Variants in NPNT observed in about 807,000 individuals in gnomAD.
The protein encoded by NPNT is preosteoblast EGF-like repeat protein with MAM domain.
A neutral mutation model predicts 68.6 loss-of-function variants in NPNT; 45 were observed. That is an observed-to-expected ratio of 0.66 (90% CI 0.52 to 0.84). The LOEUF is 0.84. NPNT is among the 40% of genes least tolerant of loss of function. NPNT has a pLI of 0.00. For synonymous variants in NPNT, 233 were observed against 253.3 expected (o/e 0.92, Z 0.76); for missense variants, 672 against 714.8 (o/e 0.94, Z 0.68).
intron 7 of NPNT, 38 bp from the exon 8 acceptor site, chr4:105,942,268 GA>G: frequency 4.7e-6 from 7 of 1,498,094 alleles, no homozygotes; most frequent in Non-Finnish European, 6.3e-6. Context: ...TTTTAGGGAG[GA>G]ATGGTTACAT....
chr4:105,944,698 G>A (rs114300570), intron 8 of NPNT, among the ~76,000 whole-genome samples: 1,778 of 152,310 alleles, frequency 0.012, 42 homozygotes, highest in African/African-American at 0.041. Context: ...GCTGTTGCAT[G>A]CCACAGATAG....
Position 105,895,737 on chromosome 4 carries a change from C to G in NPNT, c.71+14C>G. On this transcript the variant is annotated intron_variant, in intron 1 of 11. Coordinates refer to ENST00000379987, the MANE Select transcript of NPNT (RefSeq NM_001033047.3). ...GTTCGACGGGAGGTGAGCTGGGCCC[C>G]GGGGCGCCCTCTCCTCCTTCCCGCG... The G allele has an allele frequency of 6.5e-7, 1 of 1,549,458 alleles. No homozygotes were observed. The highest frequency in any genetic ancestry group is 8.7e-7 in the Non-Finnish European group (1 of 1,145,090).
chr4:105,932,828 G>A, intron 3 of NPNT: 1 of 620,078 alleles, frequency 1.6e-6, no homozygotes, highest in East Asian at 2.9e-5. Context: ...CTGAGCATGA[G>A]CAAGCAGCAG....
At chr4:105,954,667 C>G (rs912821196) in intron 8 of NPNT, among the ~76,000 whole-genome samples, 2 of 152,204 alleles carry the variant, frequency 1.3e-5, no homozygotes, top group African/African-American at 2.4e-5. Context: ...CCTCCCTCCC[C>G]CTGTAAGGTC....
At chr4:105,914,373 C>CTATA (rs1241439447) in intron 2 of NPNT, among the ~76,000 whole-genome samples, 12 of 121,362 alleles carry the variant, frequency 9.9e-5, no homozygotes, top group South Asian at 5.3e-4. Context: ...CTCTCTCTCT[C>CTATA]TATATATATA....
At chr4:105,939,899 G>A (rs1198852511) in intron 5 of NPNT, among the ~76,000 whole-genome samples, 176 bp from the exon 6 acceptor site, 3 of 152,142 alleles carry the variant, frequency 2.0e-5, no homozygotes. Flanking sequence ...TAGAAGGCTG[G>A]GTTGAAATTT....
At chr4:105,955,141 G>T (rs1361593303) in intron 8 of NPNT, among the ~76,000 whole-genome samples, 3 of 152,084 alleles carry the variant, frequency 2.0e-5, no homozygotes, top group Non-Finnish European at 2.9e-5. Context: ...AGAATTAATG[G>T]TTCAACTGCA....
Position 105,942,557 on chromosome 4 carries a change from C to T in NPNT, c.1014C>T (p.Leu338=), listed in dbSNP as rs531659716. ...CACCACCACCCCTGCCAACAGAGCT[C>T]AGAACACCTCTACCACCTACAACCC... is the stretch of plus-strand genomic sequence containing the variant. ...PPPPPPLPTE[L]RTPLPPTTPE... is the part of the protein sequence containing the mutation. The change falls in exon 8 of 12, where the codon CTC becomes CTT. Residue 338 remains leucine, a synonymous_variant. Coordinates refer to ENST00000379987, the MANE Select transcript of NPNT (RefSeq NM_001033047.3). 6.2e-7 allele frequency: 1 copy of T among 1,613,860 alleles called. No homozygotes were observed. The highest frequency in any genetic ancestry group is 1.3e-5 in the African/African-American group (1 of 74,912).
At chr4:105,968,783 C>A in intron 11 of NPNT, 112 bp from the exon 12 acceptor site, 1 of 608,506 alleles carries the variant, frequency 1.6e-6, no homozygotes, top group Non-Finnish European at 2.9e-6. Flanking sequence ...TTTCCTCCTG[C>A]AAAATAAGTT....
chr4:105,902,508 A>G (rs1280362122), intron 2 of NPNT, among the ~76,000 whole-genome samples: 2 of 152,242 alleles, frequency 1.3e-5, no homozygotes, highest in Non-Finnish European at 2.9e-5. Flanking sequence ...TCCTTAGTGT[A>G]GTAGCTTCCT....
At chr4:105,919,706 T>C (rs1009312723) in intron 2 of NPNT, among the ~76,000 whole-genome samples, 14 of 152,134 alleles carry the variant, frequency 9.2e-5, no homozygotes, top group Admixed American at 7.9e-4. Flanking sequence ...TAGAACTAAA[T>C]TTATTTGTAA....
intron 8 of NPNT, among the ~76,000 whole-genome samples, chr4:105,946,351 A>G (rs1730384229): frequency 6.6e-6 from 1 of 152,186 alleles, no homozygotes; most frequent in Non-Finnish European, 1.5e-5. Flanking sequence ...TAATTATCTA[A>G]GTGTGATATC....
At chr4:105,928,320 A>T (rs1215562335) in intron 3 of NPNT, among the ~76,000 whole-genome samples, 1 of 152,220 alleles carries the variant, frequency 6.6e-6, no homozygotes, top group Non-Finnish European at 1.5e-5. Context: ...TCAGTTAAAA[A>T]TTTCCATTAT....
intron 5 of NPNT, 121 bp downstream of exon 5, chr4:105,938,541 C>A: frequency 1.1e-6 from 1 of 937,536 alleles, no homozygotes; most frequent in Non-Finnish European, 1.6e-6. Flanking sequence ...AGCTATCGTT[C>A]AGAAGATATC....
At chr4:105,951,252 T>C (rs1281890018) in intron 8 of NPNT, among the ~76,000 whole-genome samples, 1 of 152,194 alleles carries the variant, frequency 6.6e-6, no homozygotes, top group African/African-American at 2.4e-5. Context: ...AACATAATGT[T>C]ATTAATATGT....
intron 2 of NPNT, among the ~76,000 whole-genome samples, chr4:105,918,762 C>A (rs912012292): frequency 6.6e-6 from 1 of 152,138 alleles, no homozygotes; most frequent in East Asian, 1.9e-4. Context: ...GACACTGGGG[C>A]GTTTCCTCCT....
intron 8 of NPNT, among the ~76,000 whole-genome samples, chr4:105,945,470 A>G (rs1368692382): frequency 1.3e-5 from 2 of 151,874 alleles, no homozygotes; most frequent in African/African-American, 4.8e-5. Flanking sequence ...AACATCCTCT[A>G]CTCTCAGCCT....
Sources: allele counts gnomAD v4.1 joint callset (sites outside exome capture counted in the v4.1 genomes callset), GRCh38; gene constraint gnomAD v4.1.1; transcripts MANE v1.5; gene names NCBI Gene and HGNC (gene_info 2026-07-23, HGNC 2026-07-21).